EFCAB11: variants seen among roughly 807,000 people sequenced by gnomAD.
The protein encoded by EFCAB11 is EF-hand calcium-binding domain-containing protein 11.
Under a neutral mutation model 23.0 loss-of-function variants are expected in EFCAB11, and 14 were observed. The observed-to-expected ratio is 0.61, with a 90% CI of 0.40 to 0.95. EFCAB11 has a LOEUF of 0.95. EFCAB11 is among the 40% of genes least tolerant of loss of function. The pLI is 0.00. For missense variants in EFCAB11, 198 were observed against 195.8 expected (o/e 1.01, Z -0.07); for synonymous variants, 65 against 66.6 (o/e 0.98, Z 0.11).
chr14:89,902,943 G>C (rs1028387269), intron 5 of EFCAB11, among the ~76,000 whole-genome samples: 1 of 152,202 alleles, frequency 6.6e-6, no homozygotes, highest in Admixed American at 6.5e-5. Context: ...ATAAGAGATA[G>C]CAAGAGGTGA....
chr14:89,816,132 AT>A lies in EFCAB11; in HGVS notation c.411-18809del, dbSNP rs941153497. 3.2e-3 allele frequency among the ~76,000 whole-genome samples: 484 copies of A among 151,598 alleles called. 4 individuals are homozygous for A. The highest frequency in any genetic ancestry group is 0.011 in the African/African-American group (437 of 41,354). On this transcript the variant is annotated intron_variant, in intron 5 of 5. Transcript: ENST00000316738. ...TTACATTTCTTCCTAGGTATTTTAT[AT>A]TTTTTTTGGTAGCTATTATAAATGG...
intron 5 of EFCAB11, among the ~76,000 whole-genome samples, chr14:89,929,185 C>A (rs1408243531): frequency 2.0e-5 from 3 of 151,742 alleles, no homozygotes; most frequent in Non-Finnish European, 2.9e-5. Context: ...TAGCTAGCAG[C>A]TAGGACTACA....
chr14:89,881,138 CTGG>C (rs1888583684), intron 5 of EFCAB11, among the ~76,000 whole-genome samples: 1 of 151,852 alleles, frequency 6.6e-6, no homozygotes, highest in Non-Finnish European at 1.5e-5. Flanking sequence ...TTTAGAACAA[CTGG>C]TGATTATATG....
chr14:89,900,954 A>G (rs1566803556), intron 5 of EFCAB11, among the ~76,000 whole-genome samples: 3 of 152,232 alleles, frequency 2.0e-5, no homozygotes, highest in Non-Finnish European at 4.4e-5. Context: ...TTAAGTCAGT[A>G]TATTATGACT....
intron 5 of EFCAB11, among the ~76,000 whole-genome samples, chr14:89,868,445 A>C (rs1278447617): frequency 6.6e-6 from 1 of 152,244 alleles, no homozygotes; most frequent in Non-Finnish European, 1.5e-5. Context: ...ATTTTGTATG[A>C]AATTCCATCA....
chr14:89,898,115 T>C (rs955943653), intron 5 of EFCAB11, among the ~76,000 whole-genome samples: 1 of 152,160 alleles, frequency 6.6e-6, no homozygotes, highest in Non-Finnish European at 1.5e-5. Context: ...TCCATTACAA[T>C]GGAAAACACA....
At chr14:89,924,809 T>A in intron 5 of EFCAB11, 1 of 1,046,294 alleles carries the variant, frequency 9.6e-7, no homozygotes, top group Non-Finnish European at 1.4e-6. Context: ...TTTCCTAGTT[T>A]ATGAGAAATA....
At chr14:89,891,963 G>A (rs978155333) in intron 5 of EFCAB11, among the ~76,000 whole-genome samples, 5 of 152,120 alleles carry the variant, frequency 3.3e-5, no homozygotes, top group Admixed American at 1.3e-4. Context: ...CTGCAGCTGC[G>A]GGCTGGGCCG....
intron 5 of EFCAB11, among the ~76,000 whole-genome samples, chr14:89,916,814 G>A (rs537617155): frequency 6.6e-6 from 1 of 152,190 alleles, no homozygotes; most frequent in East Asian, 1.9e-4. Context: ...TGGATTATGA[G>A]GAATCCTAAC....
At chr14:89,921,063 T>TAAAAAA (rs199585363) in intron 5 of EFCAB11, among the ~76,000 whole-genome samples, 2 of 111,570 alleles carry the variant, frequency 1.8e-5, no homozygotes, top group Admixed American at 8.3e-5. Context: ...AGACTCTGTC[T>TAAAAAA]AAAAAAAAAA....
At chr14:89,880,974 A>AC (rs1291946314) in intron 5 of EFCAB11, among the ~76,000 whole-genome samples, 1 of 152,142 alleles carries the variant, frequency 6.6e-6, no homozygotes, top group Non-Finnish European at 1.5e-5. Flanking sequence ...AGAAGTCAGA[A>AC]CCATGGTCCA....
chr14:89,866,351 C>G lies in EFCAB11; in HGVS notation c.410+65190G>C, dbSNP rs547742521. The stretch of plus-strand genomic sequence containing the variant: ...CCAATTAAACGCATGGCCAGGGCCA[C>G]ACAGTAGAAGCTGTTGCTCCCCTGC... On this transcript the variant is annotated intron_variant, in intron 5 of 5. Transcript: ENST00000316738. Among the ~76,000 whole-genome samples the G allele has an allele frequency of 2.0e-5, 3 of 152,334 alleles. No homozygotes were observed. The South Asian group carries it at 6.2e-4, about 32-fold the overall frequency.
At chr14:89,929,237 A>G (rs1890307700) in intron 5 of EFCAB11, among the ~76,000 whole-genome samples, 1 of 151,964 alleles carries the variant, frequency 6.6e-6, no homozygotes, top group Admixed American at 6.6e-5. Context: ...TATTTTGTGT[A>G]GAGACAGGGT....
chr14:89,917,050 C>T (rs897414264), intron 5 of EFCAB11, among the ~76,000 whole-genome samples: 1 of 131,734 alleles, frequency 7.6e-6, no homozygotes, highest in Non-Finnish European at 1.6e-5. Context: ...ACCTGACATG[C>T]TTCGTGTGTG....
intron 5 of EFCAB11, among the ~76,000 whole-genome samples, chr14:89,797,697 C>T (rs1433344749): frequency 5.3e-5 from 8 of 152,116 alleles, no homozygotes; most frequent in Non-Finnish European, 8.8e-5. Flanking sequence ...TTTGGGAGGC[C>T]AAGGTGGGTG....
chr14:89,895,939 G>C (rs1225276333), intron 5 of EFCAB11, among the ~76,000 whole-genome samples: 2 of 152,128 alleles, frequency 1.3e-5, no homozygotes, highest in Non-Finnish European at 2.9e-5. Flanking sequence ...ATCAATAGAA[G>C]ATGCAATCGA....
chr14:89,930,568 C>T (rs760333456), intron 5 of EFCAB11, among the ~76,000 whole-genome samples: 1 of 152,128 alleles, frequency 6.6e-6, no homozygotes, highest in Non-Finnish European at 1.5e-5. Context: ...TCTTTTCCTC[C>T]TAACCAGCTG....
chr14:89,954,539 C>T lies in EFCAB11; in HGVS notation c.75+47G>A, dbSNP rs1030531805. The T allele has an allele frequency of 6.2e-6, 10 of 1,606,488 alleles. No individual in the cohort carries two copies. In the African/African-American group the frequency reaches 1.3e-4, roughly 21 times the overall value. ...AGACACGGGAGAGGAAGCGAGAGGC[C>T]CAGGCCAAGCTGAAGTCCGAGGCTC... On this transcript the variant is annotated intron_variant, in intron 1 of 5. Coordinates refer to ENST00000316738, the MANE Select transcript of EFCAB11 (RefSeq NM_145231.4).
chr14:89,913,952 A>G (rs1056531191), intron 5 of EFCAB11, among the ~76,000 whole-genome samples: 1 of 152,184 alleles, frequency 6.6e-6, no homozygotes, highest in African/African-American at 2.4e-5. Context: ...CTGGGAATTC[A>G]TCTTTGTATG....
Sources: gnomAD v4.1 joint callset for allele counts (sites outside exome capture counted in the v4.1 genomes callset) on GRCh38, gnomAD v4.1.1 for gene constraint, MANE v1.5 for transcripts, NCBI Gene and HGNC (gene_info 2026-07-23, HGNC 2026-07-21) for gene names.